UBE2E2: variants seen among roughly 807,000 people sequenced by gnomAD.
UBE2E2 encodes the protein ubiquitin-conjugating enzyme E2 E2.
Under a neutral mutation model 24.7 loss-of-function variants are expected in UBE2E2, and 6 were observed. The ratio of observed to expected loss-of-function variants is 0.24; its 90% CI spans 0.13 to 0.48. The LOEUF (loss-of-function observed/expected upper bound fraction) is 0.48. UBE2E2 is among the 20% of genes least tolerant of loss of function. UBE2E2 has a pLI of 0.99. For missense variants in UBE2E2, 169 were observed against 245.0 expected, an observed-to-expected ratio of 0.69 and a Z score of 2.07; for synonymous variants, 104 against 83.6, an observed-to-expected ratio of 1.24 and a Z score of -1.33.
chr3:23,510,706 T>C lies in UBE2E2; in HGVS notation c.360+10966T>C, dbSNP rs558989429. Among the ~76,000 whole-genome samples, 3 of 152,346 alleles carry C rather than the reference T, an allele frequency of 2.0e-5. No individual in the cohort carries two copies. The East Asian group carries it at 5.8e-4, about 29-fold the overall frequency. On this transcript the variant is annotated intron_variant, in intron 4 of 5. Coordinates refer to ENST00000396703, the MANE Select transcript of UBE2E2 (RefSeq NM_152653.4). ...TATTCTAAACCATCAGGTGAATTTT[T>C]CTTATGGTATCAGTGTATTAGCTGT...
rs143475385 is a variant in UBE2E2 at position 23,251,849 on chromosome 3, A to T, written c.227+34537A>T. On this transcript the variant is annotated intron_variant, in intron 3 of 5. Transcript: ENST00000396703. ...GTAAGGTTACCAGCAATGATTTGCT[A>T]TACCCATACATTTATAGGCAAATGC... Among the ~76,000 whole-genome samples the T allele has an allele frequency of 1.3e-3, 196 of 152,336 alleles. 4 individuals are homozygous for T. The East Asian group carries it at 0.037, about 29-fold the overall frequency.
chr3:23,462,686 A>G (rs1316773899), intron 3 of UBE2E2, among the ~76,000 whole-genome samples: 4 of 152,132 alleles, frequency 2.6e-5, no homozygotes, highest in Admixed American at 6.6e-5. Context: ...TCAGATTTCA[A>G]TGTGAAAAAA....
At chr3:23,213,826 T>C (rs1200474738) in intron 2 of UBE2E2, among the ~76,000 whole-genome samples, 3 of 152,164 alleles carry the variant, frequency 2.0e-5, no homozygotes, top group African/African-American at 7.2e-5. Flanking sequence ...ATTTACCTAA[T>C]CACTTTTAAC....
intron 2 of UBE2E2, among the ~76,000 whole-genome samples, chr3:23,211,407 C>CTTT (rs3086984): frequency 0.16 from 20,928 of 131,586 alleles, 1,903 homozygotes; most frequent in South Asian, 0.24. Context: ...GCTCTGTGGT[C>CTTT]TTTTTTTTTT....
At chr3:23,399,272 G>C (rs1037772518) in intron 3 of UBE2E2, among the ~76,000 whole-genome samples, 3 of 152,162 alleles carry the variant, frequency 2.0e-5, no homozygotes, top group African/African-American at 7.2e-5. Context: ...TAAATTGCCA[G>C]CATCATTTGC....
intron 2 of UBE2E2, among the ~76,000 whole-genome samples, chr3:23,213,155 T>G (rs797014785): frequency 2.0e-5 from 3 of 152,236 alleles, no homozygotes; most frequent in African/African-American, 7.2e-5. Flanking sequence ...GAAATTACTT[T>G]GCGAATCTGC....
chr3:23,283,989 A>G (rs1698548622), intron 3 of UBE2E2, among the ~76,000 whole-genome samples: 1 of 152,214 alleles, frequency 6.6e-6, no homozygotes, highest in Non-Finnish European at 1.5e-5. Flanking sequence ...GGGCCTCTGA[A>G]CAATGTAGTT....
intron 3 of UBE2E2, among the ~76,000 whole-genome samples, chr3:23,315,014 G>T (rs1309669076): frequency 6.6e-6 from 1 of 152,098 alleles, no homozygotes; most frequent in Non-Finnish European, 1.5e-5. Flanking sequence ...GAAGTTCTTT[G>T]TTATTAGCCC....
intron 1 of UBE2E2, 57 bp from the exon 2 acceptor site, chr3:23,208,635 C>T (rs112835485): frequency 7.4e-7 from 1 of 1,350,786 alleles, no homozygotes; most frequent in African/African-American, 1.5e-5. Context: ...TCTCTGTGTT[C>T]TGGAGGTAGC....
intron 3 of UBE2E2, among the ~76,000 whole-genome samples, chr3:23,286,593 A>G (rs1054686347): frequency 6.6e-6 from 1 of 152,084 alleles, no homozygotes. Context: ...TGATTTATTC[A>G]GTTTTGTTGC....
chr3:23,562,130 C>T (rs1271704759), intron 5 of UBE2E2, among the ~76,000 whole-genome samples: 2 of 152,102 alleles, frequency 1.3e-5, no homozygotes, highest in East Asian at 1.9e-4. Flanking sequence ...TGGGAGAGGG[C>T]ATCCCTGTCT....
intron 3 of UBE2E2, among the ~76,000 whole-genome samples, chr3:23,313,085 G>A (rs1575554159): frequency 6.6e-6 from 1 of 152,082 alleles, no homozygotes; most frequent in Non-Finnish European, 1.5e-5. Flanking sequence ...TGGGTGAAAT[G>A]TTCTATAAAT....
chr3:23,446,461 G>C (rs1017409319), intron 3 of UBE2E2, among the ~76,000 whole-genome samples: 1 of 152,194 alleles, frequency 6.6e-6, no homozygotes, highest in Middle Eastern at 3.4e-3. Context: ...AAGATATCCC[G>C]GCTGACTGAA....
chr3:23,584,542 C>T lies in UBE2E2; in HGVS notation c.509-5192C>T, dbSNP rs552372394. The stretch of plus-strand genomic sequence containing the variant: ...TCAAAAAATGCGAAGAGGTAGATTA[C>T]GCAATATGACAATCTTTTTTTTTTT... On this transcript the variant is annotated intron_variant, in intron 5 of 5. Coordinates refer to ENST00000396703, the MANE Select transcript of UBE2E2 (RefSeq NM_152653.4). Among the ~76,000 whole-genome samples the T allele has an allele frequency of 1.0e-4, 15 of 149,190 alleles. No individual in the cohort carries two copies. The South Asian group carries it at 2.6e-3, about 26-fold the overall frequency.
At chr3:23,459,320 A>G (rs539137367) in intron 3 of UBE2E2, among the ~76,000 whole-genome samples, 1 of 152,346 alleles carries the variant, frequency 6.6e-6, no homozygotes, top group South Asian at 2.1e-4. Context: ...CATTCTTCTC[A>G]TTGACAAGGC....
At position 23,519,801 on chromosome 3, in the gene UBE2E2, T is replaced by C. The variant is rs571227245; in HGVS notation, c.361-12753T>C. Among the ~76,000 whole-genome samples, 18 of 152,236 alleles carry C rather than the reference T, an allele frequency of 1.2e-4. No homozygotes were observed. In the South Asian group the frequency reaches 3.5e-3, roughly 30 times the overall value. Reference sequence around the variant, plus strand: ...AAGTGATCTTCCCTCCTCAACCTTCTGACTGGCTAGGGCTACAGACACATG... The same window carrying C: ...AAGTGATCTTCCCTCCTCAACCTTCCGACTGGCTAGGGCTACAGACACATG... On this transcript the variant is annotated intron_variant, in intron 4 of 5. Coordinates refer to ENST00000396703, the MANE Select transcript of UBE2E2 (RefSeq NM_152653.4).
In UBE2E2 at chr3:23,347,930, G is replaced by A. The variant is rs114346609; in HGVS notation, c.227+130618G>A. On this transcript the variant is annotated intron_variant, in intron 3 of 5. Transcript: ENST00000396703. ...CTGGAACACTGTTTCTTATTAATAA[G>A]TTTGTGGTAGGCTATAATAAACTCC... Among the ~76,000 whole-genome samples, 372 of 152,112 alleles carry A rather than the reference G, an allele frequency of 2.4e-3. 2 individuals carry two copies. Among genetic ancestry groups the A allele is most frequent in the African/African-American group, 8.5e-3 (354 of 41,490 alleles).
Position 23,293,347 on chromosome 3 carries a change from A to G in UBE2E2, c.227+76035A>G, listed in dbSNP as rs151164137. 2.4e-3 allele frequency among the ~76,000 whole-genome samples: 360 copies of G among 152,340 alleles called. 2 individuals carry two copies. The Middle Eastern group carries it at 0.075, about 32-fold the overall frequency. On this transcript the variant is annotated intron_variant, in intron 3 of 5. Coordinates refer to ENST00000396703, the MANE Select transcript of UBE2E2 (RefSeq NM_152653.4). ...TAAAGGTCCTTTCATAGTGAACTTC[A>G]TTTAGGACTTGCCAAAGCCACTAAC... is the stretch of plus-strand genomic sequence containing the variant.
intron 3 of UBE2E2, among the ~76,000 whole-genome samples, chr3:23,369,178 TA>T (rs1696335926): frequency 6.6e-6 from 1 of 152,138 alleles, no homozygotes; most frequent in Admixed American, 6.5e-5. Flanking sequence ...ATTGTTAAAA[TA>T]AAAATCTCTT....
Sources: allele counts gnomAD v4.1 joint callset (sites outside exome capture counted in the v4.1 genomes callset), GRCh38; gene constraint gnomAD v4.1.1; transcripts MANE v1.5; gene names NCBI Gene and HGNC (gene_info 2026-07-23, HGNC 2026-07-21).